GTF2I: variants seen among roughly 807,000 people sequenced by gnomAD.
The protein encoded by GTF2I is general transcription factor II-I.
GTF2I carries 12 observed loss-of-function variants against 67.6 expected under a neutral mutation model. The observed-to-expected ratio is 0.18, with a 90% CI of 0.11 to 0.29. The LOEUF (loss-of-function observed/expected upper bound fraction) is 0.29. Ranked by LOEUF, GTF2I falls within the 10% of genes least tolerant of loss-of-function variation. The pLI is 1.00. For missense variants in GTF2I, 271 were observed against 580.1 expected, an observed-to-expected ratio of 0.47 and a Z score of 5.47; for synonymous variants, 149 against 197.0, an observed-to-expected ratio of 0.76 and a Z score of 2.04.
intron 1 of GTF2I, among the ~76,000 whole-genome samples, chr7:74,658,436 TCCCGCGCGCGAGCGAGCGAG>T (rs1226931359): frequency 7.0e-6 from 1 of 142,960 alleles, no homozygotes; most frequent in African/African-American, 2.5e-5. Flanking sequence ...GCGCGTGCGA[TCCCGCGCGCGAGCGAGCGAG>T]CGGCCCTGCG....
intron 9 of GTF2I, among the ~76,000 whole-genome samples, chr7:74,714,250 G>A (rs1043881782): frequency 2.0e-5 from 3 of 151,894 alleles, no homozygotes; most frequent in Middle Eastern, 3.4e-3. Flanking sequence ...ATTTAACTCA[G>A]AGTACTTTCT....
intron 1 of GTF2I, among the ~76,000 whole-genome samples, chr7:74,664,075 C>T (rs1425805272): frequency 5.9e-5 from 9 of 151,998 alleles, no homozygotes; most frequent in African/African-American, 1.9e-4. Context: ...GTGATCTGCC[C>T]GCCTTGGCCT....
intron 1 of GTF2I, among the ~76,000 whole-genome samples, chr7:74,668,412 G>A (rs1554389433): frequency 6.6e-6 from 1 of 151,480 alleles, no homozygotes; most frequent in East Asian, 1.9e-4. Context: ...GGAGCATGAT[G>A]AAGAGTTTGA....
intron 3 of GTF2I, among the ~76,000 whole-genome samples, chr7:74,697,134 A>G (rs1441300008): frequency 2.0e-5 from 3 of 152,170 alleles, no homozygotes; most frequent in Non-Finnish European, 2.9e-5. Flanking sequence ...GTGGTGGCTC[A>G]TGCCTGTAAT....
intron 6 of GTF2I, among the ~76,000 whole-genome samples, chr7:74,701,019 A>G (rs2131341601): frequency 6.6e-6 from 1 of 152,340 alleles, no homozygotes; most frequent in South Asian, 2.1e-4. Context: ...CGGAAGAGAG[A>G]AAATTCTGTA....
intron 3 of GTF2I, among the ~76,000 whole-genome samples, chr7:74,695,495 C>T (rs1554398124): frequency 6.6e-6 from 1 of 152,118 alleles, no homozygotes; most frequent in Non-Finnish European, 1.5e-5. Flanking sequence ...GCTTGTATGC[C>T]ACTAAGGTCT....
At chr7:74,720,964 C>CT (rs1792905614) in intron 12 of GTF2I, among the ~76,000 whole-genome samples, 1 of 152,050 alleles carries the variant, frequency 6.6e-6, no homozygotes, top group African/African-American at 2.4e-5. Flanking sequence ...GAACCTGAAG[C>CT]TTATGTCAGC....
chr7:74,660,625 T>C (rs1554386123), intron 1 of GTF2I, among the ~76,000 whole-genome samples: 2 of 148,252 alleles, frequency 1.3e-5, no homozygotes, highest in African/African-American at 4.9e-5. Flanking sequence ...TCTTTTCTTT[T>C]TTTTTTTTTT....
chr7:74,685,228 C>G (rs1554395135), intron 1 of GTF2I, among the ~76,000 whole-genome samples: 1 of 152,178 alleles, frequency 6.6e-6, no homozygotes, highest in East Asian at 1.9e-4. Flanking sequence ...ACTTGCCCTG[C>G]CGGGCTCCAG....
intron 1 of GTF2I, chr7:74,687,547 C>A: frequency 1.0e-6 from 1 of 984,828 alleles, no homozygotes; most frequent in African/African-American, 1.7e-5. Flanking sequence ...TTATAAAGCG[C>A]AACTTCCTAA....
chr7:74,682,110 A>C (rs1554394301), intron 1 of GTF2I, among the ~76,000 whole-genome samples: 1 of 152,190 alleles, frequency 6.6e-6, no homozygotes, highest in Non-Finnish European at 1.5e-5. Flanking sequence ...TATAACCTTT[A>C]GACTTAATTA....
intron 1 of GTF2I, among the ~76,000 whole-genome samples, chr7:74,663,446 C>T (rs1339536709): frequency 2.0e-5 from 3 of 152,052 alleles, no homozygotes; most frequent in African/African-American, 7.2e-5. Context: ...CCACCATGCC[C>T]AGCTAATTTT....
rs782177453 is a variant in GTF2I, at chr7:74,689,178, C to T, written c.50C>T (p.Ser17Leu). 6 of 1,612,930 alleles carry T rather than the reference C, an allele frequency of 3.7e-6. No homozygotes were observed. Among genetic ancestry groups the T allele is most frequent in the African/African-American group, 2.7e-5 (2 of 74,924 alleles). The part of the protein sequence containing the change: ...STLPVEDEES[S>L]ESRMVVTFLM... ...CTCCCCGTTGAAGATGAGGAGTCCTCGGAGAGCAGGATGGTGGTGACATTC... is the reference window on the plus strand; with the variant it reads ...CTCCCCGTTGAAGATGAGGAGTCCTTGGAGAGCAGGATGGTGGTGACATTC... The change falls in exon 2 of 35, where the codon TCG becomes TTG. Residue 17 changes from serine (S) to leucine (L), a missense_variant. By Grantham distance (145) the Ser-to-Leu change is moderately radical. This residue lies in a region of GTF2I where 10 missense variants were observed against 44.0 expected (regional missense o/e 0.23). Coordinates refer to ENST00000573035, the MANE Select transcript of GTF2I (RefSeq NM_032999.4).
intron 9 of GTF2I, among the ~76,000 whole-genome samples, chr7:74,712,679 G>A (rs1791754848): frequency 6.7e-6 from 1 of 149,994 alleles, no homozygotes; most frequent in African/African-American, 2.5e-5. Flanking sequence ...TGGCGTGGGG[G>A]TGGGGATGGA....
intron 1 of GTF2I, among the ~76,000 whole-genome samples, chr7:74,669,642 T>A (rs1805288319): frequency 6.6e-6 from 1 of 151,950 alleles, no homozygotes; most frequent in African/African-American, 2.4e-5. Flanking sequence ...CAAGCTCTTC[T>A]CGTGCCTCAG....
chr7:74,679,267 G>C (rs1554393376), intron 1 of GTF2I, among the ~76,000 whole-genome samples: 2 of 151,642 alleles, frequency 1.3e-5, no homozygotes, highest in South Asian at 2.1e-4. Context: ...GTAGAGATGG[G>C]GTTTCACCAT....
In GTF2I at chr7:74,717,099, A is replaced by T. The variant is rs587640723; in HGVS notation, c.880+149A>T. On this transcript the variant is annotated intron_variant, in intron 11 of 34. Coordinates refer to ENST00000573035, the MANE Select transcript of GTF2I (RefSeq NM_032999.4). ...CTAGCCAACAGGTTATTATTTTTTT[A>T]AAAATTCTAAGATGTAATATACTTC... 73 of 1,119,230 alleles carry T rather than the reference A, an allele frequency of 6.5e-5. No homozygotes were observed. In the East Asian group the frequency reaches 9.3e-4, roughly 14 times the overall value. The allele number at this position is 1,119,230 out of a possible 1,614,324, so 69.3% of individuals were successfully genotyped here.
At chr7:74,684,569 G>A (rs1554394933) in intron 1 of GTF2I, 1 of 152,234 alleles carries the variant, frequency 6.6e-6, no homozygotes, top group East Asian at 1.9e-4. Context: ...AAGCCTCCAC[G>A]AATAGTTTCA....
intron 1 of GTF2I, among the ~76,000 whole-genome samples, chr7:74,670,100 T>C (rs1297519356): frequency 4.6e-5 from 7 of 152,304 alleles, no homozygotes; most frequent in African/African-American, 1.2e-4. Flanking sequence ...TTAATAGATA[T>C]ATGTACATAT....
Sources: allele counts gnomAD v4.1 joint callset (sites outside exome capture counted in the v4.1 genomes callset), GRCh38; gene constraint gnomAD v4.1.1; regional missense constraint gnomAD v4.1.1; transcripts MANE v1.5; gene names NCBI Gene and HGNC (gene_info 2026-07-23, HGNC 2026-07-21).